SH3TC2: variants seen among roughly 807,000 people sequenced by gnomAD.
SH3TC2 encodes SH3 domain and tetratricopeptide repeats 2, also known as SH3 domain and tetratricopeptide repeat-containing protein 2.
In SH3TC2, 87 loss-of-function variants were observed where a neutral mutation model predicts 124.5. That is an observed-to-expected ratio of 0.70 (90% confidence interval 0.59 to 0.84). The LOEUF is 0.84. Among genes scored for constraint, SH3TC2 ranks in the 40% least tolerant of loss-of-function variants. SH3TC2 has a pLI of 0.00. For missense variants in SH3TC2, 1,536 were observed against 1,566.4 expected, an observed-to-expected ratio of 0.98 and a Z score of 0.33; for synonymous variants, 634 against 628.5, an observed-to-expected ratio of 1.01 and a Z score of -0.13.
At position 149,004,636 on chromosome 5, in the gene SH3TC2, A is replaced by G. The variant is rs780246530; in HGVS notation, c.*75T>C. On this transcript the variant is annotated 3_prime_UTR_variant, in exon 17 of 17. Coordinates refer to ENST00000515425, the MANE Select transcript of SH3TC2 (RefSeq NM_024577.4). ...CCAGGTAAGGACTCGGACCCTCCCA[A>G]TGAGTATTTAAGAGCCTAGGGCAGT... 17 of 1,523,958 alleles carry G rather than the reference A, an allele frequency of 1.1e-5. No individual in the cohort carries two copies. Among genetic ancestry groups the G allele is most frequent in the Admixed American group, 1.8e-5 (1 of 54,630 alleles). The allele number at this position is 1,523,958 out of a possible 1,614,324, so 94.4% of individuals were successfully genotyped here.
Position 149,001,332 on chromosome 5 carries a change from G to A in SH3TC2, c.*3379C>T, listed in dbSNP as rs950184498. 3 of 152,102 alleles carry A rather than the reference G, an allele frequency of 2.0e-5. No individual in the cohort carries two copies. The allele number at this position is 152,102 out of a possible 1,614,324, so 9.4% of individuals were successfully genotyped here. A position where few individuals can be genotyped will look rare whatever the true frequency, so the allele number is the denominator to read the frequency against. ...TGAAAGCTGAGAAAACATGTTACAG[G>A]GTTTTCCACAATGTTGCAATGCCCT... On this transcript the variant is annotated 3_prime_UTR_variant, in exon 17 of 17. Coordinates refer to ENST00000515425, the MANE Select transcript of SH3TC2 (RefSeq NM_024577.4).
In SH3TC2 at chr5:148,990,147, T is replaced by A. The variant is rs1456643987; in HGVS notation, c.*14564A>T. On this transcript the variant is annotated 3_prime_UTR_variant, in exon 17 of 17. Coordinates refer to ENST00000515425, the MANE Select transcript of SH3TC2 (RefSeq NM_024577.4). ...AGGTTTCATGATGGTATGCTCTGGG[T>A]GCGCTAGGCTACTCTGTTTTGTTCT... Among the ~76,000 whole-genome samples, 4 of 152,074 alleles carry A rather than the reference T, an allele frequency of 2.6e-5. No homozygotes were observed. The highest frequency in any genetic ancestry group is 6.6e-5 in the Admixed American group (1 of 15,266).
chr5:149,048,736 A>C (rs1754508224), intron 2 of SH3TC2, among the ~76,000 whole-genome samples: 1 of 152,176 alleles, frequency 6.6e-6, no homozygotes, highest in Non-Finnish European at 1.5e-5. Context: ...CAAACATAAT[A>C]GTTTCAGATG....
intron 2 of SH3TC2, among the ~76,000 whole-genome samples, chr5:149,049,005 C>G (rs1754512728): frequency 6.6e-6 from 1 of 152,224 alleles, no homozygotes. Context: ...GCCAGGACCT[C>G]TGCAAATTCC....
rs1753429589 is a variant in SH3TC2 at position 148,992,200 on chromosome 5, G to A, written c.*12511C>T. ...ACTTCCATATTACAGATGCAGAAATGGAGGCCCAGAATGGTTAAGTGCCTT... is the reference window on the plus strand; with the variant it reads ...ACTTCCATATTACAGATGCAGAAATAGAGGCCCAGAATGGTTAAGTGCCTT... On this transcript the variant is annotated 3_prime_UTR_variant, in exon 17 of 17. Transcript: ENST00000515425. 6.6e-6 allele frequency among the ~76,000 whole-genome samples: 1 copy of A among 152,246 alleles called. No homozygotes were observed. Among genetic ancestry groups the A allele is most frequent in the Non-Finnish European group, 1.5e-5 (1 of 68,036 alleles).
chr5:149,041,626 A>G lies in SH3TC2; in HGVS notation c.530-9T>C. The G allele has an allele frequency of 6.2e-7, 1 of 1,614,096 alleles. No individual in the cohort carries two copies. Among genetic ancestry groups the G allele is most frequent in the Non-Finnish European group, 8.5e-7 (1 of 1,179,996 alleles). On this transcript the variant is annotated splice_polypyrimidine_tract_variant and intron_variant, in intron 5 of 16. Transcript: ENST00000515425. Reference sequence around the variant, plus strand: ...TCTGCAGAAGAAGTGGCCTGTGGATAATGAGAAAAGCAATGGCTTTCTAAG... The same window carrying G: ...TCTGCAGAAGAAGTGGCCTGTGGATGATGAGAAAAGCAATGGCTTTCTAAG...
chr5:148,988,319 AG>A lies in SH3TC2; in HGVS notation c.*16391del, dbSNP rs1271163823. On this transcript the variant is annotated 3_prime_UTR_variant, in exon 17 of 17. Transcript: ENST00000515425. ...AAGCTGCCTTACTATCTAGTCCCCAAGATAGCCCCAAGTGAACCAGGCTTCC... is the reference window on the plus strand; with the variant it reads ...AAGCTGCCTTACTATCTAGTCCCCAAATAGCCCCAAGTGAACCAGGCTTCC... Among the ~76,000 whole-genome samples the A allele has an allele frequency of 6.6e-6, 1 of 152,196 alleles. No homozygotes were observed. The highest frequency in any genetic ancestry group is 2.4e-5 in the African/African-American group (1 of 41,450).
rs886060159 is a variant in SH3TC2 at position 148,997,320 on chromosome 5, T to G, written c.*7391A>C. Among the ~76,000 whole-genome samples, 46 of 152,220 alleles carry G rather than the reference T, an allele frequency of 3.0e-4. No homozygotes were observed. Among genetic ancestry groups the G allele is most frequent in the Non-Finnish European group, 1.8e-4 (12 of 68,034 alleles). On this transcript the variant is annotated 3_prime_UTR_variant, in exon 17 of 17. Transcript: ENST00000515425. ...TCACCTCACTCCCAACCTGGAATCTTCTTCAAAACATAACTTACTGATCTT... is the reference window on the plus strand; with the variant it reads ...TCACCTCACTCCCAACCTGGAATCTGCTTCAAAACATAACTTACTGATCTT...
At chr5:149,062,479 C>A in intron 1 of SH3TC2, 8 of 473,158 alleles carry the variant, frequency 1.7e-5, no homozygotes, top group South Asian at 1.2e-4. Context: ...GATGCACACA[C>A]TCACACATGC....
At chr5:149,058,686 TACATACATGGGATGC>T (rs1754693220) in intron 1 of SH3TC2, among the ~76,000 whole-genome samples, 1 of 152,066 alleles carries the variant, frequency 6.6e-6, no homozygotes, top group Non-Finnish European at 1.5e-5. Flanking sequence ...ATGAGCTTTG[TACATACATGGGATGC>T]TAGAAGCCAG....
Position 149,028,462 on chromosome 5 carries a change from C to T in SH3TC2, c.1270G>A (p.Asp424Asn). The change falls in exon 11 of 17, where the codon GAC becomes AAC. Residue 424 changes from aspartate to asparagine, a missense_variant. Asp to Asn is a conservative substitution (Grantham distance 23). This residue lies in a region of SH3TC2 where 1,102 missense variants were observed against 1,098.6 expected (regional missense o/e 1.00). Transcript: ENST00000515425. Reference sequence around the variant, plus strand: ...AGGAGCTCCTCCTCCAGGCTGGAGTCCTCAGAGCTGCTGGACTGTCTGGAC... The same window carrying T: ...AGGAGCTCCTCCTCCAGGCTGGAGTTCTCAGAGCTGCTGGACTGTCTGGAC... Reference protein sequence around the residue: ...VGSRQSSSSEDSSLEEELLSA... With the variant: ...VGSRQSSSSENSSLEEELLSA... 1 of 1,612,820 alleles carries T rather than the reference C, an allele frequency of 6.2e-7. No homozygotes were observed. Among genetic ancestry groups the T allele is most frequent in the Non-Finnish European group, 8.5e-7 (1 of 1,179,254 alleles).
rs957213011 is a variant in SH3TC2 at position 148,989,616 on chromosome 5, T to C, written c.*15095A>G. On this transcript the variant is annotated 3_prime_UTR_variant, in exon 17 of 17. Transcript: ENST00000515425. ...GACATTTTCAGACCACCTATGTATA[T>C]TGCTGCAGATGTTGGTACAATTCTG... is the stretch of plus-strand genomic sequence containing the variant. Among the ~76,000 whole-genome samples the C allele has an allele frequency of 6.6e-6, 1 of 152,228 alleles. No individual in the cohort carries two copies. Among genetic ancestry groups the C allele is most frequent in the Non-Finnish European group, 1.5e-5 (1 of 68,034 alleles).
rs76511993 is a variant in SH3TC2, at chr5:149,025,446, C to T, written c.3053+1126G>A. Among the ~76,000 whole-genome samples, 305 of 152,318 alleles carry T rather than the reference C, an allele frequency of 2.0e-3. 12 individuals are homozygous for T. The East Asian group carries it at 0.051, about 26-fold the overall frequency. On this transcript the variant is annotated intron_variant, in intron 12 of 16. Transcript: ENST00000515425. ...ATATATATATAGTCATTTAATTACC[C>T]TCTCCTCAACAACCTCTCTCTCTGC...
chr5:149,027,017 G>A lies in SH3TC2; in HGVS notation c.2715C>T (p.Leu905=), dbSNP rs141789598. ...ARNYLLQAVR[L]YCELQASKET... ...CCTTACTGGCCTGAAGTTCACAATA[G>A]AGTCGTACAGCCTGCAGGAGATAGT... is the stretch of plus-strand genomic sequence containing the variant. The change falls in exon 11 of 17, where the codon CTC becomes CTT. Residue 905 remains leucine (L), a synonymous_variant. Transcript: ENST00000515425. 1 of 1,614,170 alleles carries A rather than the reference G, an allele frequency of 6.2e-7. No individual in the cohort carries two copies. Among genetic ancestry groups the A allele is most frequent in the Non-Finnish European group, 8.5e-7 (1 of 1,180,036 alleles).
intron 1 of SH3TC2, among the ~76,000 whole-genome samples, chr5:149,055,625 G>A (rs1046455031): frequency 9.9e-5 from 15 of 152,174 alleles, no homozygotes; most frequent in African/African-American, 3.6e-4. Context: ...AAAGCTGACA[G>A]TGTCAATTCA....
rs1754370011 is a variant in SH3TC2, at chr5:149,041,466, C to G, written c.681G>C (p.Arg227=). The G allele has an allele frequency of 6.2e-7, 1 of 1,613,750 alleles. No individual in the cohort carries two copies. The highest frequency in any genetic ancestry group is 1.7e-5 in the Admixed American group (1 of 59,988). ...CCAAGGCTGACACCAGTACCAGGCC[C>G]CGCTGACCTGTCACCAAAGACACGC... ...LEGVSLVTGQ[R]GLVLVSALEP... is the part of the protein sequence containing the mutation. Residue 227 remains arginine (R), a synonymous_variant, in exon 6 of 17, where the codon CGG becomes CGC. Transcript: ENST00000515425.
rs753823105 is a variant in SH3TC2 at position 149,026,665 on chromosome 5, C to T, written c.2960G>A (p.Trp987Ter). ...PEACITYHEH[W>*]LALAQQLRDR... ...CCTGAGTTGCTGAGCCAGGGCCAGCCAGTGCTCATGGTAGGTGATGCATGC... is the reference window on the plus strand; with the variant it reads ...CCTGAGTTGCTGAGCCAGGGCCAGCTAGTGCTCATGGTAGGTGATGCATGC... The change falls in exon 12 of 17, where the codon TGG (tryptophan) becomes TAG (stop). Residue 987 changes from tryptophan to a stop codon, truncating the protein, a stop_gained. Transcript: ENST00000515425. LOFTEE classifies it high-confidence loss of function. 6.2e-7 allele frequency: 1 copy of T among 1,614,176 alleles called. No homozygotes were observed. The highest frequency in any genetic ancestry group is 8.5e-7 in the Non-Finnish European group (1 of 1,180,046).
At chr5:149,024,389 C>G (rs892629085) in intron 12 of SH3TC2, among the ~76,000 whole-genome samples, 7 of 152,180 alleles carry the variant, frequency 4.6e-5, no homozygotes, top group Admixed American at 2.0e-4. Flanking sequence ...ACTACAAAGT[C>G]TTTCAAGCCC....
At chr5:149,037,118 C>G (rs930276959) in intron 8 of SH3TC2, among the ~76,000 whole-genome samples, 1 of 152,192 alleles carries the variant, frequency 6.6e-6, no homozygotes, top group African/African-American at 2.4e-5. Flanking sequence ...AGCATGGACC[C>G]ACCTTTGCTG....
Sources: allele counts gnomAD v4.1 joint callset (sites outside exome capture counted in the v4.1 genomes callset), GRCh38; gene constraint gnomAD v4.1.1; regional missense constraint gnomAD v4.1.1; transcripts MANE v1.5; gene names NCBI Gene and HGNC (gene_info 2026-07-23, HGNC 2026-07-21).